The following CCDC148 variants were observed in gnomAD, a reference collection of about 807,000 sequenced individuals.
CCDC148 encodes coiled-coil domain containing 148.
A neutral mutation model predicts 85.7 loss-of-function variants in CCDC148; 89 were observed. The observed-to-expected ratio is 1.04, with a 90% CI of 0.87 to 1.24. The LOEUF (loss-of-function observed/expected upper bound fraction) is 1.24, where lower values mean the gene tolerates loss of function less well. CCDC148 is among the 50% of genes most tolerant of loss of function. The probability of loss-of-function intolerance (pLI) is 0.00; values close to 1 mark genes in which losing one functional copy is unlikely to be tolerated. For synonymous variants in CCDC148, 230 were observed against 213.9 expected, an observed-to-expected ratio of 1.08 and a Z score of -0.66; for missense variants, 692 against 671.7, an observed-to-expected ratio of 1.03 and a Z score of -0.33.
At chr2:158,335,656 G>A (rs1682336987) in intron 7 of CCDC148, among the ~76,000 whole-genome samples, 1 of 152,008 alleles carries the variant, frequency 6.6e-6, no homozygotes, top group African/African-American at 2.4e-5. Context: ...GAACAGTATG[G>A]GGGATACTGC....
intron 9 of CCDC148, among the ~76,000 whole-genome samples, chr2:158,300,680 T>C (rs1691398338): frequency 6.6e-6 from 1 of 152,168 alleles, no homozygotes; most frequent in African/African-American, 2.4e-5. Flanking sequence ...GAGAGTGAAT[T>C]ACAAGGAGTT....
chr2:158,420,745 C>G (rs1029162614), intron 1 of CCDC148, among the ~76,000 whole-genome samples: 1 of 151,926 alleles, frequency 6.6e-6, no homozygotes, highest in African/African-American at 2.4e-5. Context: ...CAATATTAAC[C>G]CTAAATGTAA....
chr2:158,290,574 T>C (rs1690842363), intron 9 of CCDC148, among the ~76,000 whole-genome samples: 1 of 152,172 alleles, frequency 6.6e-6, no homozygotes, highest in African/African-American at 2.4e-5. Context: ...TCAATAAGGC[T>C]TTCCATAGAT....
At chr2:158,321,411 C>T (rs1036303768) in intron 7 of CCDC148, among the ~76,000 whole-genome samples, 10 of 152,220 alleles carry the variant, frequency 6.6e-5, no homozygotes, top group East Asian at 1.9e-4. Context: ...AAGGTAATTA[C>T]GCTGCTGTTT....
At chr2:158,222,479 T>C (rs1687240920) in intron 10 of CCDC148, among the ~76,000 whole-genome samples, 1 of 152,096 alleles carries the variant, frequency 6.6e-6, no homozygotes, top group African/African-American at 2.4e-5. Context: ...TTTCTCTCTC[T>C]CTCTCTCTCT....
intron 9 of CCDC148, among the ~76,000 whole-genome samples, chr2:158,291,332 C>A (rs944503787): frequency 6.6e-6 from 1 of 152,160 alleles, no homozygotes; most frequent in Non-Finnish European, 1.5e-5. Context: ...ACAAAAACTC[C>A]TGCTCCTTGA....
chr2:158,238,844 A>T (rs1688224350), intron 10 of CCDC148, among the ~76,000 whole-genome samples: 1 of 152,162 alleles, frequency 6.6e-6, no homozygotes, highest in South Asian at 2.1e-4. Context: ...TGAAACTGAG[A>T]TTTCTCAAAA....
At chr2:158,282,594 G>A (rs1690380147) in intron 9 of CCDC148, among the ~76,000 whole-genome samples, 2 of 152,248 alleles carry the variant, frequency 1.3e-5, no homozygotes, top group South Asian at 4.1e-4. Flanking sequence ...CCTCTTCAAG[G>A]AGAACTACAA....
At chr2:158,455,648 T>G (rs1688631269) in intron 1 of CCDC148, among the ~76,000 whole-genome samples, 1 of 144,910 alleles carries the variant, frequency 6.9e-6, no homozygotes, top group Non-Finnish European at 1.5e-5. Flanking sequence ...GTCTCCTTAC[T>G]AAAGAGATTA....
At chr2:158,419,189 G>A (rs1211931036) in intron 1 of CCDC148, among the ~76,000 whole-genome samples, 1 of 152,094 alleles carries the variant, frequency 6.6e-6, no homozygotes, top group Non-Finnish European at 1.5e-5. Flanking sequence ...TTGGAAACAA[G>A]CAAGCATCAA....
rs534749692 is a variant in CCDC148, at chr2:158,374,966, T to G, written c.26-16396A>C. ...ATTCTAAATAAATAGTTATGCTATA[T>G]TTTATTTGTATTTTTGTTGTTCTAT... On this transcript the variant is annotated intron_variant, in intron 1 of 13. Coordinates refer to ENST00000283233, the MANE Select transcript of CCDC148 (RefSeq NM_138803.4). Among the ~76,000 whole-genome samples, 5 of 151,550 alleles carry G rather than the reference T, an allele frequency of 3.3e-5. No homozygotes were observed. In the South Asian group the frequency reaches 1.0e-3, roughly 31 times the overall value.
intron 7 of CCDC148, among the ~76,000 whole-genome samples, chr2:158,323,063 G>C (rs1692592473): frequency 6.6e-6 from 1 of 152,110 alleles, no homozygotes; most frequent in Non-Finnish European, 1.5e-5. Flanking sequence ...AATTAAACTT[G>C]TCTTCATGTT....
At chr2:158,242,959 C>T (rs545259828) in intron 10 of CCDC148, among the ~76,000 whole-genome samples, 2 of 152,092 alleles carry the variant, frequency 1.3e-5, no homozygotes, top group East Asian at 2.0e-4. Context: ...AACTTCCTCT[C>T]CCCAGGAGGG....
chr2:158,310,229 A>G (rs978204605), intron 8 of CCDC148, among the ~76,000 whole-genome samples: 2 of 152,168 alleles, frequency 1.3e-5, no homozygotes, highest in South Asian at 4.1e-4. Flanking sequence ...TTCAGAGAGC[A>G]CGGGGTTGGG....
At chr2:158,362,267 A>T (rs1683986120) in intron 1 of CCDC148, among the ~76,000 whole-genome samples, 1 of 152,098 alleles carries the variant, frequency 6.6e-6, no homozygotes, top group Non-Finnish European at 1.5e-5. Context: ...GAACAACGAG[A>T]AAGAAAATTA....
At chr2:158,402,879 G>T (rs553324915) in intron 1 of CCDC148, among the ~76,000 whole-genome samples, 4 of 152,066 alleles carry the variant, frequency 2.6e-5, no homozygotes, top group African/African-American at 9.7e-5. Flanking sequence ...TGAAGGTCAC[G>T]TGATTTTGTT....
intron 11 of CCDC148, among the ~76,000 whole-genome samples, chr2:158,205,020 C>A (rs1686166110): frequency 6.6e-6 from 1 of 151,936 alleles, no homozygotes; most frequent in Non-Finnish European, 1.5e-5. Flanking sequence ...ATCCCATGGG[C>A]AACATTAAGG....
chr2:158,292,580 T>C (rs1690946079), intron 9 of CCDC148, among the ~76,000 whole-genome samples: 1 of 152,176 alleles, frequency 6.6e-6, no homozygotes, highest in Admixed American at 6.5e-5. Flanking sequence ...GACTCGAGTC[T>C]TTCTAACCAA....
chr2:158,452,918 A>T (rs535440967), intron 1 of CCDC148, among the ~76,000 whole-genome samples: 2 of 152,360 alleles, frequency 1.3e-5, no homozygotes, highest in South Asian at 4.1e-4. Context: ...TTCACATACC[A>T]AAAAATGTAA....
Sources: allele counts gnomAD v4.1 joint callset (sites outside exome capture counted in the v4.1 genomes callset), GRCh38; gene constraint gnomAD v4.1.1; transcripts MANE v1.5; gene names NCBI Gene and HGNC (gene_info 2026-07-23, HGNC 2026-07-21).